The following UBE2N variants were observed in gnomAD, a reference collection of about 807,000 sequenced individuals.
UBE2N encodes ubiquitin conjugating enzyme E2 N.
For synonymous variants in UBE2N, 70 were observed against 69.2 expected, an observed-to-expected ratio of 1.01 and a Z score of -0.06; for missense variants, 60 against 192.1, an observed-to-expected ratio of 0.31 and a Z score of 4.07.
chr12:93,411,641 C>T (rs555279992), intron 1 of UBE2N, among the ~76,000 whole-genome samples: 1 of 152,222 alleles, frequency 6.6e-6, no homozygotes, highest in South Asian at 2.1e-4. Flanking sequence ...TAAACTCAAC[C>T]AAAACCAAGC....
In UBE2N at chr12:93,410,939, C is replaced by T. The variant is rs762471157; in HGVS notation, c.278-65G>A. On this transcript the variant is annotated intron_variant, in intron 2 of 3. Coordinates refer to ENST00000318066, the MANE Select transcript of UBE2N (RefSeq NM_003348.4). ...AAACAGGCCCAGAACTGCTTCACTTCCCTCCCACAGACCTCTCTGATCTTT... is the reference window on the plus strand; with the variant it reads ...AAACAGGCCCAGAACTGCTTCACTTTCCTCCCACAGACCTCTCTGATCTTT... 5.6e-6 allele frequency: 9 copies of T among 1,613,764 alleles called. No homozygotes were observed. In the Admixed American group the frequency reaches 1.5e-4, roughly 27 times the overall value.
intron 1 of UBE2N, among the ~76,000 whole-genome samples, chr12:93,430,957 A>C (rs1023490378): frequency 6.6e-6 from 1 of 150,846 alleles, no homozygotes; most frequent in Non-Finnish European, 1.5e-5. Flanking sequence ...AGCCAAGCGC[A>C]GTGGCTCATG....
chr12:93,438,173 T>G (rs544129745), intron 1 of UBE2N, among the ~76,000 whole-genome samples: 32 of 152,344 alleles, frequency 2.1e-4, no homozygotes, highest in African/African-American at 7.5e-4. Flanking sequence ...TAGGCACGAA[T>G]GAGCAATGCC....
chr12:93,419,848 A>G (rs562905915), intron 1 of UBE2N, among the ~76,000 whole-genome samples: 2 of 152,328 alleles, frequency 1.3e-5, no homozygotes, highest in Admixed American at 1.3e-4. Flanking sequence ...TAAGAAAACT[A>G]ATAAAAGCAA....
intron 1 of UBE2N, among the ~76,000 whole-genome samples, chr12:93,423,041 A>C (rs1489682988): frequency 1.3e-5 from 2 of 152,272 alleles, no homozygotes; most frequent in African/African-American, 4.8e-5. Context: ...ACAAGCAAAG[A>C]AATAACCCAT....
intron 1 of UBE2N, among the ~76,000 whole-genome samples, chr12:93,438,995 C>G (rs909554186): frequency 5.3e-5 from 8 of 152,148 alleles, no homozygotes; most frequent in Non-Finnish European, 1.0e-4. Context: ...TTCTAGACTG[C>G]AAAATATATT....
intron 1 of UBE2N, among the ~76,000 whole-genome samples, chr12:93,432,982 G>T (rs893994345): frequency 7.4e-6 from 1 of 135,634 alleles, no homozygotes; most frequent in African/African-American, 2.8e-5. Context: ...CCAGGCTGGA[G>T]TGCAGTGGGG....
At chr12:93,426,632 T>C (rs576411503) in intron 1 of UBE2N, among the ~76,000 whole-genome samples, 95 of 152,224 alleles carry the variant, frequency 6.2e-4, no homozygotes, top group African/African-American at 2.3e-3. Flanking sequence ...TTCTTACCCA[T>C]CCCTATCTAT....
intron 1 of UBE2N, among the ~76,000 whole-genome samples, chr12:93,436,305 T>C (rs1421798009): frequency 1.3e-5 from 2 of 152,212 alleles, no homozygotes; most frequent in Non-Finnish European, 2.9e-5. Context: ...GGTCTCATTA[T>C]GTTGTACAGC....
At chr12:93,431,303 CTT>C (rs1398515283) in intron 1 of UBE2N, among the ~76,000 whole-genome samples, 1 of 152,202 alleles carries the variant, frequency 6.6e-6, no homozygotes, top group Non-Finnish European at 1.5e-5. Flanking sequence ...AGATCCTGTT[CTT>C]AAACATGTTT....
At chr12:93,437,918 T>C (rs1334302247) in intron 1 of UBE2N, among the ~76,000 whole-genome samples, 1 of 152,180 alleles carries the variant, frequency 6.6e-6, no homozygotes, top group Non-Finnish European at 1.5e-5. Context: ...CATTTCCTAG[T>C]TAATAAAAAA....
chr12:93,429,000 G>A (rs999263699), intron 1 of UBE2N, among the ~76,000 whole-genome samples: 10 of 152,130 alleles, frequency 6.6e-5, no homozygotes, highest in African/African-American at 2.4e-4. Flanking sequence ...GGCCAGGCGC[G>A]GTGGCTCATG....
intron 1 of UBE2N, among the ~76,000 whole-genome samples, chr12:93,431,712 T>C (rs1027088966): frequency 2.0e-5 from 3 of 152,216 alleles, no homozygotes; most frequent in African/African-American, 7.2e-5. Context: ...AGAAACACTT[T>C]GTTTGCCTAA....
rs1178909535 is a variant in UBE2N at position 93,407,345 on chromosome 12, C to T, written c.*2694G>A. ...CCCTTCCCCATTAGAGTATATGGTC[C>T]CCAAAGGAAAGCCCCATGCCATTCA... is the stretch of plus-strand genomic sequence containing the variant. On this transcript the variant is annotated 3_prime_UTR_variant, in exon 4 of 4. Coordinates refer to ENST00000318066, the MANE Select transcript of UBE2N (RefSeq NM_003348.4). The T allele has an allele frequency of 6.6e-6, 1 of 152,200 alleles. No individual in the cohort carries two copies. Among genetic ancestry groups the T allele is most frequent in the Non-Finnish European group, 1.5e-5 (1 of 68,060 alleles). The allele number at this position is 152,200 out of a possible 1,614,324, so 9.4% of individuals were successfully genotyped here. A position where few individuals can be genotyped will look rare whatever the true frequency, so the allele number is the denominator to read the frequency against.
Position 93,409,802 on chromosome 12 carries a change from G to A in UBE2N, c.*237C>T. On this transcript the variant is annotated 3_prime_UTR_variant, in exon 4 of 4. Coordinates refer to ENST00000318066, the MANE Select transcript of UBE2N (RefSeq NM_003348.4). ...TGAATAAAAGCAGGGAGGGGCCACT[G>A]CTTTTAAACGTTTCACAACAATCCA... 1 of 502,594 alleles carries A rather than the reference G, an allele frequency of 2.0e-6. No individual in the cohort carries two copies. The highest frequency in any genetic ancestry group is 3.9e-5 in the East Asian group (1 of 25,576). 31.1% of individuals were successfully genotyped at this position (502,594 alleles called of 1,614,324 possible).
At chr12:93,434,644 A>C (rs1592751080) in intron 1 of UBE2N, among the ~76,000 whole-genome samples, 2 of 152,334 alleles carry the variant, frequency 1.3e-5, no homozygotes, top group East Asian at 1.9e-4. Flanking sequence ...AGGATTCTTA[A>C]CATGGAGCAC....
intron 1 of UBE2N, among the ~76,000 whole-genome samples, chr12:93,438,441 G>C (rs1292071491): frequency 6.6e-6 from 1 of 152,166 alleles, no homozygotes; most frequent in Non-Finnish European, 1.5e-5. Context: ...CCTGTGACTG[G>C]AATAAGCTCA....
rs568975151 is a variant in UBE2N, at chr12:93,417,986, A to G, written c.31-6687T>C. 5.9e-5 allele frequency among the ~76,000 whole-genome samples: 9 copies of G among 152,278 alleles called. No homozygotes were observed. In the South Asian group the frequency reaches 6.2e-4, roughly 11 times the overall value. ...ATCTGCAAGTTCACCCTCTATATAT[A>G]TAAGTGGGCATTTTTATTTATCACT... On this transcript the variant is annotated intron_variant, in intron 1 of 3. Coordinates refer to ENST00000318066, the MANE Select transcript of UBE2N (RefSeq NM_003348.4).
intron 1 of UBE2N, among the ~76,000 whole-genome samples, chr12:93,432,016 G>A (rs1003801582): frequency 5.9e-5 from 9 of 152,180 alleles, no homozygotes; most frequent in East Asian, 3.9e-4. Flanking sequence ...GGCGGATCAC[G>A]AGGTCAGGAG....
Sources: allele counts gnomAD v4.1 joint callset (sites outside exome capture counted in the v4.1 genomes callset), GRCh38; gene constraint gnomAD v4.1.1; transcripts MANE v1.5; gene names NCBI Gene and HGNC (gene_info 2026-07-23, HGNC 2026-07-21).